The following TMEM50B variants were observed in gnomAD, a reference collection of about 807,000 sequenced individuals.
TMEM50B encodes the protein transmembrane protein 50B, also known as HCV p7-trans-regulated protein 3.
In TMEM50B, 14 loss-of-function variants were observed where a neutral mutation model predicts 23.4. That is an observed-to-expected ratio of 0.60 (90% CI 0.39 to 0.93). TMEM50B has a LOEUF of 0.93. Among genes scored for constraint, TMEM50B ranks in the 40% least tolerant of loss-of-function variants. The pLI is 0.00. For synonymous variants in TMEM50B, 64 were observed against 62.3 expected (o/e 1.03, Z -0.13); for missense variants, 159 against 193.0 (o/e 0.82, Z 1.04).
At chr21:33,479,163 T>C (rs919738830) in intron 1 of TMEM50B, 3 of 193,860 alleles carry the variant, frequency 1.5e-5, no homozygotes, top group Non-Finnish European at 3.3e-5. Flanking sequence ...AACCAGCCTA[T>C]TGGCTAAAAA....
chr21:33,468,775 T>C lies in TMEM50B; in HGVS notation c.99+12A>G. 1 of 1,609,872 alleles carries C rather than the reference T, an allele frequency of 6.2e-7. No homozygotes were observed. The highest frequency in any genetic ancestry group is 2.2e-5 in the East Asian group (1 of 44,822). The stretch of plus-strand genomic sequence containing the variant: ...AAGGGATACATGTCACCAACCAGTC[T>C]TTCTCACTTACCAATATACCTGCGA... On this transcript the variant is annotated intron_variant, in intron 2 of 6. Transcript: ENST00000542230.
chr21:33,434,477 G>A (rs1350347368), intron 8 of TMEM50B, among the ~76,000 whole-genome samples: 1 of 152,040 alleles, frequency 6.6e-6, no homozygotes, highest in African/African-American at 2.4e-5. Context: ...AGCCAATATC[G>A]CACCATAGCA....
At chr21:33,474,011 G>A (rs536783315) in intron 1 of TMEM50B, among the ~76,000 whole-genome samples, 6 of 151,660 alleles carry the variant, frequency 4.0e-5, no homozygotes, top group Admixed American at 3.3e-4. Context: ...TGGCTGTCTA[G>A]GGATGGGGAG....
intron 4 of TMEM50B, among the ~76,000 whole-genome samples, chr21:33,464,595 C>T (rs571186568): frequency 3.4e-4 from 51 of 147,978 alleles, no homozygotes; most frequent in Middle Eastern, 3.4e-3. Flanking sequence ...CACCTGAGGT[C>T]GGGAGTTCGA....
intron 1 of TMEM50B, among the ~76,000 whole-genome samples, chr21:33,472,706 G>A (rs199683697): frequency 2.0e-5 from 3 of 151,472 alleles, no homozygotes; most frequent in African/African-American, 2.4e-5. Context: ...GTGAAACCCC[G>A]TCACTACTAA....
At position 33,469,081 on chromosome 21, in the gene TMEM50B, G is replaced by C. The variant is rs528646360; in HGVS notation, c.-41-155C>G. On this transcript the variant is annotated intron_variant, in intron 1 of 6. Transcript: ENST00000542230. ...TCAATACTTCAACAAGTACCTAATT[G>C]AGATGTATATAGGACTACGCTAGGA... 3.9e-5 allele frequency among the ~76,000 whole-genome samples: 6 copies of C among 152,222 alleles called. No individual in the cohort carries two copies. In the South Asian group the frequency reaches 1.2e-3, roughly 32 times the overall value.
chr21:33,467,243 T>A, intron 2 of TMEM50B, 121 bp from the exon 3 acceptor site: 1 of 806,968 alleles, frequency 1.2e-6, no homozygotes, highest in Non-Finnish European at 1.9e-6. Context: ...CTCACGCCTG[T>A]AATCCCAGCA....
chr21:33,470,650 T>C (rs573287755), intron 1 of TMEM50B, among the ~76,000 whole-genome samples: 1 of 151,810 alleles, frequency 6.6e-6, no homozygotes, highest in Admixed American at 6.6e-5. Context: ...GGCAGGAGAA[T>C]GGCATGAACC....
intron 3 of TMEM50B, among the ~76,000 whole-genome samples, chr21:33,466,638 CAAG>C (rs1392080115): frequency 6.6e-6 from 1 of 152,000 alleles, no homozygotes; most frequent in Non-Finnish European, 1.5e-5. Context: ...TTAATACTGA[CAAG>C]AAATAAAAAT....
At chr21:33,437,302 A>C in intron 8 of TMEM50B, 3 of 278,216 alleles carry the variant, frequency 1.1e-5, no homozygotes, top group South Asian at 7.7e-5. Flanking sequence ...CTGAGCAGTC[A>C]GAAGACCTGG....
chr21:33,473,387 A>G (rs1368440898), intron 1 of TMEM50B, among the ~76,000 whole-genome samples: 1 of 142,566 alleles, frequency 7.0e-6, no homozygotes, highest in African/African-American at 2.6e-5. Context: ...CAGGAGCTGG[A>G]GGTTGCAGTG....
chr21:33,478,899 T>G, intron 1 of TMEM50B: 1 of 451,148 alleles, frequency 2.2e-6, no homozygotes. Context: ...GGATGAAGAG[T>G]CTGAGAAGGG....
At chr21:33,454,883 G>A (rs1176609177) in intron 6 of TMEM50B, among the ~76,000 whole-genome samples, 8 of 152,050 alleles carry the variant, frequency 5.3e-5, no homozygotes, top group Non-Finnish European at 1.2e-4. Flanking sequence ...TTGGGAGGCC[G>A]AGGCAGGCAA....
At chr21:33,456,096 C>A (rs1298500771) in intron 5 of TMEM50B, 1 of 597,240 alleles carries the variant, frequency 1.7e-6, no homozygotes, top group Non-Finnish European at 3.2e-6. Flanking sequence ...CTATGGCCAA[C>A]ACTGAAATGC....
At chr21:33,475,034 C>A (rs951045737) in intron 1 of TMEM50B, among the ~76,000 whole-genome samples, 2 of 150,356 alleles carry the variant, frequency 1.3e-5, no homozygotes, top group Non-Finnish European at 1.5e-5. Context: ...TCAAGCAATT[C>A]TCCTGCCTCA....
intron 4 of TMEM50B, among the ~76,000 whole-genome samples, chr21:33,462,139 AG>A (rs1476781581): frequency 1.3e-5 from 2 of 152,094 alleles, no homozygotes; most frequent in African/African-American, 4.8e-5. Flanking sequence ...TTTATTATTT[AG>A]CTGTTTCATT....
intron 2 of TMEM50B, 51 bp downstream of exon 2, chr21:33,468,736 C>A: frequency 6.8e-7 from 1 of 1,461,578 alleles, no homozygotes; most frequent in Admixed American, 1.9e-5. Context: ...GCATTAATTT[C>A]CAGGGCAAAA....
chr21:33,435,139 T>C (rs969435426), intron 8 of TMEM50B, among the ~76,000 whole-genome samples: 4 of 152,250 alleles, frequency 2.6e-5, no homozygotes, highest in South Asian at 4.1e-4. Context: ...TCTTGGTAAC[T>C]TGGTGAATCT....
At chr21:33,457,559 G>A (rs571580982) in intron 5 of TMEM50B, among the ~76,000 whole-genome samples, 2 of 151,700 alleles carry the variant, frequency 1.3e-5, no homozygotes, top group South Asian at 4.2e-4. Flanking sequence ...GCTGAGGCAG[G>A]AGAATCGCTT....
Sources: allele counts gnomAD v4.1 joint callset (sites outside exome capture counted in the v4.1 genomes callset), GRCh38; gene constraint gnomAD v4.1.1; transcripts MANE v1.5; gene names NCBI Gene and HGNC (gene_info 2026-07-23, HGNC 2026-07-21).